Variants in CPQ observed in about 807,000 individuals in gnomAD.
CPQ encodes the protein carboxypeptidase Q, also known as Ser-Met dipeptidase.
A neutral mutation model predicts 45.7 loss-of-function variants in CPQ; 37 were observed. That is an observed-to-expected ratio of 0.81 (90% CI 0.62 to 1.07). The LOEUF is 1.07. Among genes scored for constraint, CPQ ranks in the 50% least tolerant of loss-of-function variants. The pLI, the probability that CPQ is intolerant of heterozygous loss-of-function variation, is 0.00. For missense variants in CPQ, 537 were observed against 572.9 expected (o/e 0.94, Z 0.64); for synonymous variants, 186 against 205.8 (o/e 0.90, Z 0.82).
At chr8:96,880,573 A>ATATG (rs1812210609) in intron 4 of CPQ, among the ~76,000 whole-genome samples, 1 of 108,960 alleles carries the variant, frequency 9.2e-6, no homozygotes, top group African/African-American at 3.6e-5. Flanking sequence ...ATATATATAT[A>ATATG]TATACCATGG....
intron 6 of CPQ, among the ~76,000 whole-genome samples, chr8:97,036,517 T>G (rs905718847): frequency 6.6e-6 from 1 of 152,162 alleles, no homozygotes; most frequent in Non-Finnish European, 1.5e-5. Context: ...ATAGATGAGT[T>G]TATTGAATTT....
intron 5 of CPQ, among the ~76,000 whole-genome samples, chr8:96,970,688 C>T (rs1049057434): frequency 6.6e-4 from 100 of 152,092 alleles, no homozygotes; most frequent in Non-Finnish European, 1.0e-3. Flanking sequence ...CTCAGCCTCA[C>T]GAGTAGCTGG....
intron 1 of CPQ, among the ~76,000 whole-genome samples, chr8:96,754,161 T>G (rs1810298758): frequency 6.6e-6 from 1 of 152,098 alleles, no homozygotes. Context: ...TAAATAAAAC[T>G]TGTTTGGAAG....
chr8:96,877,808 G>A (rs1284360946), intron 3 of CPQ, among the ~76,000 whole-genome samples: 1 of 152,138 alleles, frequency 6.6e-6, no homozygotes, highest in African/African-American at 2.4e-5. Context: ...ATCCGACCTA[G>A]GTTAAGTGAC....
At chr8:96,996,785 A>G (rs1411924817) in intron 5 of CPQ, among the ~76,000 whole-genome samples, 2 of 151,980 alleles carry the variant, frequency 1.3e-5, no homozygotes, top group African/African-American at 4.8e-5. Context: ...TCATTAGGTC[A>G]TAACACTGGG....
chr8:97,050,887 C>A (rs1810349236), intron 6 of CPQ, among the ~76,000 whole-genome samples: 1 of 152,050 alleles, frequency 6.6e-6, no homozygotes, highest in African/African-American at 2.4e-5. Flanking sequence ...AATAACAATG[C>A]CTCGAGAGAA....
At chr8:96,707,577 C>T (rs1809549035) in intron 1 of CPQ, among the ~76,000 whole-genome samples, 1 of 152,006 alleles carries the variant, frequency 6.6e-6, no homozygotes, top group Non-Finnish European at 1.5e-5. Context: ...TGAGGCACCC[C>T]TGATCTAGAT....
chr8:97,123,000 AAT>A lies in CPQ; in HGVS notation c.1256-20016_1256-20015del, dbSNP rs1437148895. On this transcript the variant is annotated intron_variant, in intron 7 of 7. Coordinates refer to ENST00000220763, the MANE Select transcript of CPQ (RefSeq NM_016134.4). Reference sequence around the variant, plus strand: ...ATAAAATTAAAATAAAATAAAATAAAATATAAAATAAAATAAAATAAAATAAA... The same window carrying A: ...ATAAAATTAAAATAAAATAAAATAAAATAAAATAAAATAAAATAAAATAAA... Among the ~76,000 whole-genome samples the A allele has an allele frequency of 3.7e-3, 184 of 49,364 alleles. 10 individuals carry two copies. Among genetic ancestry groups the A allele is most frequent in the East Asian group, 0.011 (14 of 1,306 alleles). 32.4% of individuals were successfully genotyped at this position (49,364 alleles called of 152,430 possible).
intron 1 of CPQ, among the ~76,000 whole-genome samples, chr8:96,743,244 A>T (rs1423091173): frequency 6.6e-6 from 1 of 151,928 alleles, no homozygotes; most frequent in Non-Finnish European, 1.5e-5. Context: ...CATCGTTGAT[A>T]CCCTTTCTTC....
intron 2 of CPQ, among the ~76,000 whole-genome samples, chr8:96,833,714 T>A (rs972637032): frequency 2.6e-5 from 4 of 152,222 alleles, no homozygotes; most frequent in African/African-American, 9.6e-5. Context: ...AGACTATAAA[T>A]TGAGTTCTCA....
At chr8:96,874,335 A>G (rs1250097622) in intron 3 of CPQ, among the ~76,000 whole-genome samples, 1 of 151,768 alleles carries the variant, frequency 6.6e-6, no homozygotes, top group Non-Finnish European at 1.5e-5. Flanking sequence ...TTCAGACACA[A>G]TAAAATACAC....
At chr8:96,929,629 C>G (rs1445249018) in intron 4 of CPQ, among the ~76,000 whole-genome samples, 1 of 152,132 alleles carries the variant, frequency 6.6e-6, no homozygotes, top group African/African-American at 2.4e-5. Context: ...CTGACTGTCT[C>G]TCTGAAACAT....
chr8:96,762,122 AG>A (rs1810412947), intron 1 of CPQ, among the ~76,000 whole-genome samples: 1 of 148,170 alleles, frequency 6.7e-6, no homozygotes, highest in Non-Finnish European at 1.5e-5. Context: ...TTACATATTT[AG>A]CTGGAATTTA....
intron 3 of CPQ, among the ~76,000 whole-genome samples, chr8:96,844,961 A>G (rs1811665048): frequency 6.6e-6 from 1 of 152,242 alleles, no homozygotes; most frequent in Admixed American, 6.5e-5. Context: ...AATCAGTATC[A>G]GTGGCCAGCT....
At chr8:96,696,846 A>G (rs1484948338) in intron 1 of CPQ, among the ~76,000 whole-genome samples, 1 of 152,184 alleles carries the variant, frequency 6.6e-6, no homozygotes, top group Non-Finnish European at 1.5e-5. Flanking sequence ...CAGATCAATA[A>G]CAAGTAACGA....
Position 97,123,066 on chromosome 8 carries a change from A to ATAAAATAAAATAAAT in CPQ, c.1256-19954_1256-19953insTAAAATAAAATAAAT, listed in dbSNP as rs1390093632. 4.2e-5 allele frequency among the ~76,000 whole-genome samples: 2 copies of ATAAAATAAAATAAAT among 47,848 alleles called. 1 individual carries two copies. Among genetic ancestry groups the ATAAAATAAAATAAAT allele is most frequent in the African/African-American group, 3.0e-4 (2 of 6,658 alleles). 31.4% of individuals were successfully genotyped at this position (47,848 alleles called of 152,430 possible). On this transcript the variant is annotated intron_variant, in intron 7 of 7. Transcript: ENST00000220763. Reference sequence around the variant, plus strand: ...AATAAATAAAATAAAATAAAATAAAAAAAATAAAATAAAATAAATAAAATA... The same window carrying ATAAAATAAAATAAAT: ...AATAAATAAAATAAAATAAAATAAAATAAAATAAAATAAATAAAATAAAATAAAATAAATAAAATA...
chr8:96,994,058 A>C (rs1331500134), intron 5 of CPQ, among the ~76,000 whole-genome samples: 1 of 152,084 alleles, frequency 6.6e-6, no homozygotes, highest in Non-Finnish European at 1.5e-5. Flanking sequence ...CCTGGAATAA[A>C]CCTTGGAGCT....
chr8:96,708,449 A>G (rs539329685), intron 1 of CPQ, among the ~76,000 whole-genome samples: 2 of 151,668 alleles, frequency 1.3e-5, no homozygotes, highest in African/African-American at 4.8e-5. Flanking sequence ...ATATATATAT[A>G]TATATATATA....
chr8:96,793,420 A>G (rs1296558438), intron 2 of CPQ, among the ~76,000 whole-genome samples: 1 of 151,918 alleles, frequency 6.6e-6, no homozygotes, highest in Non-Finnish European at 1.5e-5. Flanking sequence ...TTTTAAAACC[A>G]TGAGATCTTG....
Sources: allele counts gnomAD v4.1 joint callset (sites outside exome capture counted in the v4.1 genomes callset), GRCh38; gene constraint gnomAD v4.1.1; transcripts MANE v1.5; gene names NCBI Gene and HGNC (gene_info 2026-07-23, HGNC 2026-07-21).